The following SGSM1 variants were observed in gnomAD, a reference collection of about 807,000 sequenced individuals.
The protein encoded by SGSM1 is small G protein signaling modulator 1, also known as RUN and TBC1 domain containing 2.
SGSM1 carries 73 observed loss-of-function variants against 133.8 expected under a neutral mutation model. That is an observed-to-expected ratio of 0.55 (90% CI 0.45 to 0.66). The LOEUF (loss-of-function observed/expected upper bound fraction) is 0.66, where lower values mean the gene tolerates loss of function less well. Ranked by LOEUF, SGSM1 falls within the 30% of genes least tolerant of loss-of-function variation. SGSM1 has a pLI of 0.00. For missense variants in SGSM1, 1,213 were observed against 1,448.1 expected (o/e 0.84, Z 2.64); for synonymous variants, 563 against 573.0 (o/e 0.98, Z 0.25).
At position 24,867,087 on chromosome 22, in the gene SGSM1, T is replaced by C; in HGVS notation, c.927-6T>C. 6.2e-7 allele frequency: 1 copy of C among 1,613,404 alleles called. No homozygotes were observed. The highest frequency in any genetic ancestry group is 8.5e-7 in the Non-Finnish European group (1 of 1,179,740). On this transcript the variant is annotated splice_region_variant and splice_polypyrimidine_tract_variant and intron_variant, in intron 9 of 24. Coordinates refer to ENST00000400358, the MANE Select transcript of SGSM1 (RefSeq NM_001098497.3). ...CCTGCAAGCCTGACCCTCCGTCCGC[T>C]TCCAGCGTCTACTGGGACTATGCCA... is the stretch of plus-strand genomic sequence containing the variant.
At chr22:24,839,290 C>A (rs1042466579) in intron 2 of SGSM1, among the ~76,000 whole-genome samples, 4 of 152,150 alleles carry the variant, frequency 2.6e-5, no homozygotes, top group African/African-American at 9.7e-5. Flanking sequence ...TTTCAAACTC[C>A]TAGGCCCAAG....
At chr22:24,852,554 A>T (rs1178508284) in intron 5 of SGSM1, among the ~76,000 whole-genome samples, 1 of 152,042 alleles carries the variant, frequency 6.6e-6, no homozygotes, top group Non-Finnish European at 1.5e-5. Context: ...AGCGATTCTC[A>T]TGCCTCAGCC....
At chr22:24,816,398 T>G (rs982406315) in intron 2 of SGSM1, among the ~76,000 whole-genome samples, 1 of 148,986 alleles carries the variant, frequency 6.7e-6, no homozygotes, top group Non-Finnish European at 1.5e-5. Flanking sequence ...GCTAAAAAAT[T>G]GATTTCTTTT....
intron 12 of SGSM1, among the ~76,000 whole-genome samples, chr22:24,869,524 A>G (rs1931659381): frequency 1.3e-5 from 2 of 152,222 alleles, no homozygotes; most frequent in African/African-American, 4.8e-5. Context: ...CTGTCTCAAA[A>G]TAAATGCAAA....
At position 24,859,726 on chromosome 22, in the gene SGSM1, T is replaced by C. The variant is rs1255402729; in HGVS notation, c.812T>C (p.Met271Thr). 7 of 1,613,780 alleles carry C rather than the reference T, an allele frequency of 4.3e-6. No individual in the cohort carries two copies. The South Asian group carries it at 4.4e-5, about 10-fold the overall frequency. Residue 271 changes from methionine to threonine, a missense_variant, in exon 9 of 25, where the codon ATG becomes ACG. Coordinates refer to ENST00000400358, the MANE Select transcript of SGSM1 (RefSeq NM_001098497.3). Reference sequence around the variant, plus strand: ...CTCCTCTCTCTGCAGAGGGACGACATGGAGGCTGTGCCAGGGTACCTGTCC... The same window carrying C: ...CTCCTCTCTCTGCAGAGGGACGACACGGAGGCTGTGCCAGGGTACCTGTCC... ...NNVLVQPRDD[M>T]EAVPGYLSLH... is the part of the protein sequence containing the mutation.
At chr22:24,916,509 A>G (rs897577296) in intron 22 of SGSM1, among the ~76,000 whole-genome samples, 28 of 152,262 alleles carry the variant, frequency 1.8e-4, no homozygotes, top group African/African-American at 6.5e-4. Context: ...CCTGGCCAAC[A>G]TGGTGAAACC....
chr22:24,824,543 C>A (rs1344576468), intron 2 of SGSM1, among the ~76,000 whole-genome samples: 1 of 152,078 alleles, frequency 6.6e-6, no homozygotes, highest in African/African-American at 2.4e-5. Context: ...GTGTGCCTCA[C>A]CCTAATAGAT....
At chr22:24,859,027 G>T (rs994483549) in intron 8 of SGSM1, among the ~76,000 whole-genome samples, 1 of 152,214 alleles carries the variant, frequency 6.6e-6, no homozygotes, top group Non-Finnish European at 1.5e-5. Context: ...ATGAAATACT[G>T]CACTGCTCCT....
rs553320085 is a variant in SGSM1, at chr22:24,897,683, G to A, written c.2023-289G>A. ...CAGGTTTCACCGTGTTGCCCAGGCT[G>A]GTGTCAAACTCTTGGGTTCAAGCAG... On this transcript the variant is annotated intron_variant, in intron 18 of 24. Transcript: ENST00000400358. 5.9e-5 allele frequency among the ~76,000 whole-genome samples: 9 copies of A among 152,294 alleles called. No homozygotes were observed. In the East Asian group the frequency reaches 1.7e-3, roughly 29 times the overall value.
At chr22:24,907,530 TTG>T (rs201489071) in intron 21 of SGSM1, among the ~76,000 whole-genome samples, 31 of 151,722 alleles carry the variant, frequency 2.0e-4, no homozygotes, top group South Asian at 1.0e-3. Flanking sequence ...TTTTTTGTTG[TTG>T]TTTTTTTTGG....
chr22:24,855,817 A>G (rs1601926350), intron 8 of SGSM1, 137 bp downstream of exon 8: 2 of 1,249,546 alleles, frequency 1.6e-6, no homozygotes, highest in Non-Finnish European at 1.2e-6. Flanking sequence ...CACCCGCCCA[A>G]CACTCATTCA....
At chr22:24,833,762 T>C (rs1427790831) in intron 2 of SGSM1, among the ~76,000 whole-genome samples, 1 of 150,588 alleles carries the variant, frequency 6.6e-6, no homozygotes, top group East Asian at 2.0e-4. Context: ...TTCCCGAGGG[T>C]GGAAGAGGCA....
intron 9 of SGSM1, among the ~76,000 whole-genome samples, chr22:24,860,063 A>G (rs1160877827): frequency 6.6e-6 from 1 of 152,210 alleles, no homozygotes; most frequent in Non-Finnish European, 1.5e-5. Flanking sequence ...GTCTTAGGGC[A>G]TGGAAGTTGG....
chr22:24,874,498 G>C, intron 12 of SGSM1: 1 of 1,613,516 alleles, frequency 6.2e-7, no homozygotes, highest in Non-Finnish European at 8.5e-7. Flanking sequence ...GTCCATGCTG[G>C]TGGTGGCCAG....
Position 24,924,255 on chromosome 22 carries a change from C to T in SGSM1, c.3263C>T (p.Thr1088Ile). The T allele has an allele frequency of 2.5e-6, 4 of 1,613,988 alleles. No homozygotes were observed. The Admixed American group carries it at 6.7e-5, about 27-fold the overall frequency. Residue 1088 changes from threonine to isoleucine, a missense_variant, in exon 25 of 25, where the codon ACT becomes ATT. Transcript: ENST00000400358. ...CGGGACCTCGTGTACAAGGTGCAGA[C>T]TCTGATTGAGAACAAGTGAGGGGCA... ...LARDLVYKVQ[T>I]LIENK
chr22:24,859,132 G>A (rs1437518862), intron 8 of SGSM1, among the ~76,000 whole-genome samples: 2 of 152,168 alleles, frequency 1.3e-5, no homozygotes, highest in Non-Finnish European at 2.9e-5. Flanking sequence ...TAAATGTTAG[G>A]GTGAATTTGA....
At chr22:24,814,900 T>A (rs1433470707) in intron 2 of SGSM1, among the ~76,000 whole-genome samples, 3 of 152,184 alleles carry the variant, frequency 2.0e-5, no homozygotes, top group Non-Finnish European at 4.4e-5. Flanking sequence ...GGAGGGCAGC[T>A]GGGTCTTCCC....
intron 21 of SGSM1, 88 bp downstream of exon 21, chr22:24,905,275 A>T (rs1277846352): frequency 7.6e-7 from 1 of 1,316,010 alleles, no homozygotes; most frequent in African/African-American, 1.4e-5. Context: ...GTGACTCTGT[A>T]GAATGTGGCT....
chr22:24,841,553 C>T (rs544781329), intron 2 of SGSM1, among the ~76,000 whole-genome samples: 79 of 152,256 alleles, frequency 5.2e-4, no homozygotes, highest in African/African-American at 1.8e-3. Context: ...TACCTTTTAA[C>T]GAGATCCTTC....
Sources: gnomAD v4.1 joint callset for allele counts (sites outside exome capture counted in the v4.1 genomes callset) on GRCh38, gnomAD v4.1.1 for gene constraint, MANE v1.5 for transcripts, NCBI Gene and HGNC (gene_info 2026-07-23, HGNC 2026-07-21) for gene names.